The following SPATA16 variants were observed in gnomAD, a reference collection of about 807,000 sequenced individuals.
SPATA16 encodes the protein spermatogenesis-associated protein 16.
In SPATA16, 36 loss-of-function variants were observed where a neutral mutation model predicts 63.3. The observed-to-expected ratio is 0.57, with a 90% CI of 0.44 to 0.75. SPATA16 has a LOEUF of 0.75. Ranked by LOEUF, SPATA16 falls within the 30% of genes least tolerant of loss-of-function variation. The pLI is 0.00. For missense variants in SPATA16, 646 were observed against 679.3 expected, an observed-to-expected ratio of 0.95 and a Z score of 0.54; for synonymous variants, 203 against 216.7, an observed-to-expected ratio of 0.94 and a Z score of 0.56.
intron 4 of SPATA16, among the ~76,000 whole-genome samples, chr3:172,981,214 C>G (rs903486181): frequency 4.7e-4 from 72 of 152,238 alleles, no homozygotes; most frequent in African/African-American, 1.6e-3. Flanking sequence ...ATCATCTGGT[C>G]CATAATCTCT....
intron 2 of SPATA16, among the ~76,000 whole-genome samples, chr3:173,084,670 T>TA (rs1335467570): frequency 7.9e-5 from 12 of 152,206 alleles, no homozygotes; most frequent in Non-Finnish European, 1.2e-4. Flanking sequence ...TTTAAGTCTT[T>TA]AATCCATCTT....
At chr3:173,015,038 A>T (rs1418475838) in intron 4 of SPATA16, among the ~76,000 whole-genome samples, 1 of 151,240 alleles carries the variant, frequency 6.6e-6, no homozygotes, top group Non-Finnish European at 1.5e-5. Flanking sequence ...GTAGAAATAC[A>T]CAGAAAATTC....
intron 2 of SPATA16, among the ~76,000 whole-genome samples, chr3:173,093,244 C>G (rs1169581982): frequency 6.6e-6 from 1 of 151,982 alleles, no homozygotes; most frequent in Admixed American, 6.6e-5. Flanking sequence ...AAAAAATTGT[C>G]TTTCTTTGCT....
At chr3:173,014,644 A>G (rs1034406757) in intron 4 of SPATA16, among the ~76,000 whole-genome samples, 1 of 152,242 alleles carries the variant, frequency 6.6e-6, no homozygotes, top group African/African-American at 2.4e-5. Context: ...CTGAAGTTAT[A>G]TTAATACTAT....
At chr3:173,115,409 G>A (rs1033654475) in intron 2 of SPATA16, among the ~76,000 whole-genome samples, 1 of 152,142 alleles carries the variant, frequency 6.6e-6, no homozygotes, top group African/African-American at 2.4e-5. Flanking sequence ...TGGCAGAATG[G>A]CCTGGTATTC....
chr3:173,069,112 G>GAAAAAA (rs541801266), intron 2 of SPATA16, among the ~76,000 whole-genome samples: 41 of 109,158 alleles, frequency 3.8e-4, no homozygotes, highest in East Asian at 1.2e-3. Flanking sequence ...TCCGTCTCAA[G>GAAAAAA]AAAAAAAAAA....
Position 172,956,817 on chromosome 3 carries a change from A to G in SPATA16, c.941T>C (p.Ile314Thr), listed in dbSNP as rs368587027. ...KLIKLYWQAM[I>T]EEAITRAESF... Reference sequence around the variant, plus strand: ...TTCAGCTCTGGTGATGGCTTCCTCAATCATGGCCTAAGAGGAAACAAACAA... The same window carrying G: ...TTCAGCTCTGGTGATGGCTTCCTCAGTCATGGCCTAAGAGGAAACAAACAA... Residue 314 changes from isoleucine to threonine, a missense_variant, in exon 6 of 11, where the codon ATT becomes ACT. Coordinates refer to ENST00000351008, the MANE Select transcript of SPATA16 (RefSeq NM_031955.6). 4.5e-5 allele frequency: 72 copies of G among 1,613,252 alleles called. No individual in the cohort carries two copies. Among genetic ancestry groups the G allele is most frequent in the Non-Finnish European group, 5.1e-5 (60 of 1,179,536 alleles).
At chr3:172,986,649 G>A (rs1734465834) in intron 4 of SPATA16, among the ~76,000 whole-genome samples, 2 of 152,116 alleles carry the variant, frequency 1.3e-5, no homozygotes, top group South Asian at 4.1e-4. Flanking sequence ...AACTCCAAAA[G>A]TACTATCTTG....
intron 3 of SPATA16, among the ~76,000 whole-genome samples, chr3:173,030,253 C>G (rs1735574576): frequency 6.6e-6 from 1 of 152,024 alleles, no homozygotes; most frequent in Non-Finnish European, 1.5e-5. Flanking sequence ...TTAAAAACTT[C>G]TGTTCATCAA....
intron 4 of SPATA16, among the ~76,000 whole-genome samples, chr3:173,014,444 G>C (rs1221566742): frequency 6.6e-6 from 1 of 152,210 alleles, no homozygotes; most frequent in Non-Finnish European, 1.5e-5. Context: ...AGTGGGGAGA[G>C]AGGGAGGGGC....
intron 4 of SPATA16, among the ~76,000 whole-genome samples, chr3:172,990,319 A>G (rs1734546159): frequency 6.6e-6 from 1 of 152,216 alleles, no homozygotes; most frequent in Non-Finnish European, 1.5e-5. Context: ...ATATTTGCTA[A>G]GTGATTTTGT....
At chr3:173,050,263 G>T (rs1395614583) in intron 2 of SPATA16, among the ~76,000 whole-genome samples, 4 of 152,066 alleles carry the variant, frequency 2.6e-5, no homozygotes, top group East Asian at 1.9e-4. Context: ...AAGACTAAAG[G>T]CTAAAAAATA....
chr3:172,953,090 C>T (rs1207353062), intron 6 of SPATA16, among the ~76,000 whole-genome samples: 1 of 151,982 alleles, frequency 6.6e-6, no homozygotes, highest in East Asian at 1.9e-4. Context: ...ACAATTAGAG[C>T]TTTGGTTTTT....
At chr3:172,960,627 A>G (rs1329061330) in intron 5 of SPATA16, among the ~76,000 whole-genome samples, 1 of 152,226 alleles carries the variant, frequency 6.6e-6, no homozygotes, top group African/African-American at 2.4e-5. Context: ...GGATGACTGT[A>G]CAAAAGAGAC....
chr3:173,090,342 C>A (rs1032204060), intron 2 of SPATA16, among the ~76,000 whole-genome samples: 2 of 152,136 alleles, frequency 1.3e-5, no homozygotes, highest in African/African-American at 4.8e-5. Context: ...CCAGAGGCTT[C>A]CCCAGAAGCC....
chr3:172,917,495 G>A (rs1732521951), intron 8 of SPATA16, among the ~76,000 whole-genome samples: 1 of 152,260 alleles, frequency 6.6e-6, no homozygotes, highest in South Asian at 2.1e-4. Flanking sequence ...CCCCTGGACT[G>A]CCTACACCAG....
At chr3:173,102,593 T>C (rs1283070245) in intron 2 of SPATA16, among the ~76,000 whole-genome samples, 3 of 152,144 alleles carry the variant, frequency 2.0e-5, no homozygotes, top group Non-Finnish European at 2.9e-5. Flanking sequence ...CTCACTATTG[T>C]GTGGACAGCA....
chr3:173,113,597 A>C (rs77548103), intron 2 of SPATA16, among the ~76,000 whole-genome samples: 2,645 of 152,342 alleles, frequency 0.017, 34 homozygotes, highest in South Asian at 0.036. Context: ...GACCTTAATG[A>C]TTATAAAATG....
chr3:173,046,867 A>G (rs193216698), intron 3 of SPATA16, among the ~76,000 whole-genome samples: 286 of 152,128 alleles, frequency 1.9e-3, no homozygotes, highest in Non-Finnish European at 2.9e-3. Context: ...AAAATGATTT[A>G]TTTCACTTGA....
Sources: gnomAD v4.1 joint callset for allele counts (sites outside exome capture counted in the v4.1 genomes callset) on GRCh38, gnomAD v4.1.1 for gene constraint, MANE v1.5 for transcripts, NCBI Gene and HGNC (gene_info 2026-07-23, HGNC 2026-07-21) for gene names.